Variants in PRKAR1A observed in about 807,000 individuals in gnomAD.
PRKAR1A encodes cAMP-dependent protein kinase type I-alpha regulatory subunit.
In PRKAR1A, 3 loss-of-function variants were observed where a neutral mutation model predicts 52.0. That is an observed-to-expected ratio of 0.06 (90% CI 0.03 to 0.15). PRKAR1A has a LOEUF of 0.15. Among genes scored for constraint, PRKAR1A ranks in the 10% least tolerant of loss-of-function variants. The pLI is 1.00. For synonymous variants in PRKAR1A, 188 were observed against 168.4 expected, an observed-to-expected ratio of 1.12 and a Z score of -0.90; for missense variants, 240 against 477.4, an observed-to-expected ratio of 0.50 and a Z score of 4.63.
chr17:68,525,852 A>G lies in PRKAR1A; in HGVS notation c.648A>G (p.Lys216=). The change falls in exon 7 of 11, where the codon AAA becomes AAG. Residue 216 remains lysine, a synonymous_variant. Coordinates refer to ENST00000589228, the MANE Select transcript of PRKAR1A (RefSeq NM_002734.5). ...GAACACCGAGAGCAGCCACTGTCAAAGCAAAGACAAATGTGAAATTGTGGG... is the reference window on the plus strand; with the variant it reads ...GAACACCGAGAGCAGCCACTGTCAAGGCAAAGACAAATGTGAAATTGTGGG... ...IYGTPRAATV[K]AKTNVKLWGI... 6.2e-7 allele frequency: 1 copy of G among 1,613,972 alleles called. No individual in the cohort carries two copies. The highest frequency in any genetic ancestry group is 1.7e-5 in the Admixed American group (1 of 60,000).
At chr17:68,433,333 C>A in the PRKAR1A span, 1 of 845,440 alleles carries the variant, frequency 1.2e-6, no homozygotes, top group South Asian at 1.6e-5. Context: ...AACACACACT[C>A]CATCACTTAG....
intron 11 of PRKAR1A, among the ~76,000 whole-genome samples, chr17:68,542,415 T>C (rs1357016821): frequency 6.6e-6 from 1 of 152,192 alleles, no homozygotes; most frequent in Non-Finnish European, 1.5e-5. Context: ...GAACACTCTT[T>C]ATTACCCTGG....
chr17:68,430,040 T>C, the PRKAR1A span: 1 of 1,614,226 alleles, frequency 6.2e-7, no homozygotes, highest in Non-Finnish European at 8.5e-7. Context: ...AGTTCAAGCG[T>C]GCAGTGGCAA....
At chr17:68,515,608 A>G (rs764102322) in intron 2 of PRKAR1A, 32 bp downstream of exon 2, 1 of 1,596,680 alleles carries the variant, frequency 6.3e-7, no homozygotes. Flanking sequence ...TGATGAGGTG[A>G]TTGTGACAGT....
At chr17:68,420,119 C>T in the PRKAR1A span, 23 of 1,538,440 alleles carry the variant, frequency 1.5e-5, no homozygotes, top group Non-Finnish European at 2.0e-5. Flanking sequence ...GAATCACTCG[C>T]AGCTCTCGTC....
rs201999343 is a variant in PRKAR1A, at chr17:68,532,286, G to T, written c.*1837G>T. 0.022 allele frequency: 23,002 copies of T among 1,046,502 alleles called. 288 individuals carry two copies. The highest frequency in any genetic ancestry group is 0.034 in the South Asian group (721 of 21,522). The allele number at this position is 1,046,502 out of a possible 1,614,324, so 64.8% of individuals were successfully genotyped here. ...TTTAAATGCCAAAATGTACTTAAAT[G>T]AGTTACTTAGAATGCCATAAAATTG... On this transcript the variant is annotated 3_prime_UTR_variant, in exon 11 of 11. Coordinates refer to ENST00000589228, the MANE Select transcript of PRKAR1A (RefSeq NM_002734.5).
downstream of PRKAR1A, among the ~76,000 whole-genome samples, chr17:68,538,054 G>C (rs1278788887): frequency 6.6e-6 from 1 of 152,200 alleles, no homozygotes; most frequent in Non-Finnish European, 1.5e-5. Context: ...GTGATACTTA[G>C]GATTTTTCAA....
At chr17:68,536,859 C>T (rs1019587313), downstream of PRKAR1A, 38 of 454,100 alleles carry the variant, frequency 8.4e-5, no homozygotes, top group Non-Finnish European at 1.5e-4. Flanking sequence ...CTTAGCAAAT[C>T]CCTCTTTTAT....
In PRKAR1A at chr17:68,542,955, G is replaced by A. The variant is rs545653294; in HGVS notation, c.974-8129G>A. ...GGCGTGACTCTGCACTGTTGAGCTGGTAGTGCCCAGGTCAACACTGGGCCT... is the reference window on the plus strand; with the variant it reads ...GGCGTGACTCTGCACTGTTGAGCTGATAGTGCCCAGGTCAACACTGGGCCT... On this transcript the variant is annotated intron_variant, in intron 11 of 11. Transcript: ENST00000585981. The A allele has an allele frequency of 1.7e-5, 12 of 706,502 alleles. No individual in the cohort carries two copies. The South Asian group carries it at 1.7e-4, about 10-fold the overall frequency. The allele number at this position is 706,502 out of a possible 1,614,324, so 43.8% of individuals were successfully genotyped here. A position where few individuals can be genotyped will look rare whatever the true frequency, so the allele number is the denominator to read the frequency against.
chr17:68,514,060 G>A (rs368715350), intron 1 of PRKAR1A, among the ~76,000 whole-genome samples: 38 of 152,158 alleles, frequency 2.5e-4, no homozygotes, highest in African/African-American at 8.7e-4. Context: ...AAGTAAATGC[G>A]CGTTTTTGTT....
chr17:68,429,684 G>T, the PRKAR1A span, among the ~76,000 whole-genome samples: 1 of 152,094 alleles, frequency 6.6e-6, no homozygotes, highest in Non-Finnish European at 1.5e-5. Context: ...CGCCTCCTGG[G>T]TTCAAGCGAT....
chr17:68,489,316 G>GTA, the PRKAR1A span, among the ~76,000 whole-genome samples: 302 of 26,154 alleles, frequency 0.012, 47 homozygotes, highest in East Asian at 0.067. Flanking sequence ...TATATGGAAA[G>GTA]TATATATATA....
intron 11 of PRKAR1A, chr17:68,539,895 T>G (rs1270604552): frequency 6.2e-7 from 1 of 1,614,164 alleles, no homozygotes; most frequent in Non-Finnish European, 8.5e-7. Flanking sequence ...CCTCTGGCGT[T>G]GTCAAGGTGA....
the PRKAR1A span, among the ~76,000 whole-genome samples, chr17:68,467,354 G>T: frequency 6.6e-6 from 1 of 152,180 alleles, no homozygotes; most frequent in African/African-American, 2.4e-5. Context: ...TTTCATAGCA[G>T]CTGAACCATT....
chr17:68,421,630 G>T, the PRKAR1A span: 1 of 1,167,836 alleles, frequency 8.6e-7, no homozygotes. Flanking sequence ...AGTTAACCAG[G>T]TCCTGTGGTT....
chr17:68,521,495 G>T (rs892943626), intron 2 of PRKAR1A, among the ~76,000 whole-genome samples: 1 of 152,206 alleles, frequency 6.6e-6, no homozygotes, highest in Non-Finnish European at 1.5e-5. Context: ...CCTCCCAAAG[G>T]GTTGTGATTA....
In PRKAR1A at chr17:68,525,830, C is replaced by T. The variant is rs1600486256; in HGVS notation, c.626C>T (p.Thr209Ile). The change falls in exon 7 of 11, where the codon ACA (threonine) becomes ATA (isoleucine). Residue 209 changes from threonine (T) to isoleucine (I), a missense_variant. Thr to Ile is a moderately conservative substitution (Grantham distance 89). Transcript: ENST00000589228. The stretch of plus-strand genomic sequence containing the variant: ...GGAGAACTTGCTTTGATTTATGGAA[C>T]ACCGAGAGCAGCCACTGTCAAAGCA... The part of the protein sequence containing the change: ...SFGELALIYG[T>I]PRAATVKAKT... 2.5e-6 allele frequency: 4 copies of T among 1,613,806 alleles called. No individual in the cohort carries two copies. The African/African-American group carries it at 4.0e-5, about 16-fold the overall frequency.
the PRKAR1A span, among the ~76,000 whole-genome samples, chr17:68,439,554 G>A: frequency 6.6e-6 from 1 of 152,176 alleles, no homozygotes; most frequent in Non-Finnish European, 1.5e-5. Context: ...TGTGGTGATG[G>A]TTACACAATT....
chr17:68,547,268 A>T (rs1392436273), intron 11 of PRKAR1A, among the ~76,000 whole-genome samples: 1 of 152,140 alleles, frequency 6.6e-6, no homozygotes, highest in Non-Finnish European at 1.5e-5. Flanking sequence ...CTTTATCATT[A>T]TTATTATTAT....
Sources: gnomAD v4.1 joint callset for allele counts (sites outside exome capture counted in the v4.1 genomes callset) on GRCh38, gnomAD v4.1.1 for gene constraint, MANE v1.5 for transcripts, NCBI Gene and HGNC (gene_info 2026-07-23, HGNC 2026-07-21) for gene names.